GPR50: variants seen among roughly 807,000 people sequenced by gnomAD.
GPR50 encodes the protein melatonin-related receptor.
In GPR50, 1 loss-of-function variant was observed where a neutral mutation model predicts 2.6. The observed-to-expected ratio is 0.38, with a 90% CI of 0.13 to 1.79. GPR50 has a LOEUF of 1.79. Ranked by LOEUF, GPR50 falls within the 40% of genes most tolerant of loss-of-function variation. The pLI, the probability that GPR50 is intolerant of heterozygous loss-of-function variation, is 0.33. For synonymous variants in GPR50, 233 were observed against 202.3 expected (o/e 1.15, Z -1.29); for missense variants, 535 against 522.1 (o/e 1.02, Z -0.24).
intron 1 of GPR50, among the ~76,000 whole-genome samples, chrX:151,178,639 G>T (rs1056530219): frequency 2.7e-5 from 3 of 112,001 alleles, no homozygotes; most frequent in Non-Finnish European, 5.6e-5. Flanking sequence ...GCCGAGTGCT[G>T]ACAGCGCTGG....
chrX:151,181,152 T>C lies in GPR50; in HGVS notation c.1569T>C (p.Pro523=). The C allele has an allele frequency of 8.3e-7, 1 of 1,209,767 alleles. No homozygotes were observed. Among genetic ancestry groups the C allele is most frequent in the Non-Finnish European group, 1.1e-6 (1 of 894,363 alleles). The change falls in exon 2 of 2, where the codon CCT becomes CCC. Residue 523 remains proline, a synonymous_variant. Transcript: ENST00000218316. ...CCACCACTGCTGACTATCCCAAGCCTGCCACTACCAGCCACCCTAAGCCCA... is the reference window on the plus strand; with the variant it reads ...CCACCACTGCTGACTATCCCAAGCCCGCCACTACCAGCCACCCTAAGCCCA... ...AEPTTADYPK[P]ATTSHPKPTA... is the part of the protein sequence containing the mutation.
intron 1 of GPR50, among the ~76,000 whole-genome samples, chrX:151,178,503 A>G (rs1193991054): frequency 9.0e-6 from 1 of 111,547 alleles, no homozygotes; most frequent in East Asian, 2.8e-4. Flanking sequence ...ATTCAAATAA[A>G]GGCTTTTATG....
At position 151,181,345 on chromosome X, in the gene GPR50, C is replaced by T. The variant is rs765410234; in HGVS notation, c.1762C>T (p.Pro588Ser). The change falls in exon 2 of 2, where the codon CCT (proline) becomes TCT (serine). Residue 588 changes from proline to serine, a missense_variant. Coordinates refer to ENST00000218316, the MANE Select transcript of GPR50 (RefSeq NM_004224.3). ...GGAGTCTGACACCATCGCTGACCTT[C>T]CTGACCCTACTGTAGTCACTACCAG... ...QLESDTIADL[P>S]DPTVVTTSTN... 5.8e-6 allele frequency: 7 copies of T among 1,202,625 alleles called. No homozygotes were observed. The highest frequency in any genetic ancestry group is 7.9e-6 in the Non-Finnish European group (7 of 887,715).
Position 151,181,405 on chromosome X carries a change from G to A in GPR50, c.1822G>A (p.Val608Ile). Residue 608 changes from valine to isoleucine, a missense_variant, in exon 2 of 2, where the codon GTT (valine) becomes ATT (isoleucine). Physicochemically the swap from Val to Ile is conservative, Grantham distance 29. Transcript: ENST00000218316. ...NDYHDVVVID[V>I]EDDPDEMAV ...TTACCATGATGTCGTGGTTATTGAT[G>A]TTGAAGATGATCCTGATGAAATGGC... 5.0e-6 allele frequency: 6 copies of A among 1,190,137 alleles called. No homozygotes were observed. Among genetic ancestry groups the A allele is most frequent in the South Asian group, 1.8e-5 (1 of 55,080 alleles).
downstream of GPR50, among the ~76,000 whole-genome samples, chrX:151,181,795 C>T (rs1395647543): frequency 1.8e-5 from 2 of 112,162 alleles, no homozygotes; most frequent in Non-Finnish European, 3.8e-5. Flanking sequence ...CTCATTTCCT[C>T]TGCCTTGTTC....
In GPR50 at chrX:151,180,375, G is replaced by T; in HGVS notation, c.792G>T (p.Pro264=). ...NVLTVLVAVS[P]KEMAGKIPNW... ...TCACTGTCTTGGTGGCTGTCAGTCC[G>T]AAGGAGATGGCAGGCAAGATCCCCA... The change falls in exon 2 of 2, where the codon CCG becomes CCT. Residue 264 remains proline, a synonymous_variant. Transcript: ENST00000218316. 2.5e-6 allele frequency: 3 copies of T among 1,210,885 alleles called. No homozygotes were observed. The highest frequency in any genetic ancestry group is 3.4e-6 in the Non-Finnish European group (3 of 894,979).
In GPR50 at chrX:151,180,252, G is replaced by A. The variant is rs1412650534; in HGVS notation, c.669G>A (p.Gly223=). The A allele has an allele frequency of 8.3e-7, 1 of 1,204,714 alleles. No individual in the cohort carries two copies. Among genetic ancestry groups the A allele is most frequent in the Non-Finnish European group, 1.1e-6 (1 of 894,517 alleles). The change falls in exon 2 of 2, where the codon GGG becomes GGA. Residue 223 remains glycine (G), a synonymous_variant. Transcript: ENST00000218316. ...TGCTGGCGGCCCGTGACCCTGCAGGGCAGAATCCTGACAACCAACTTGCTG... is the reference window on the plus strand; with the variant it reads ...TGCTGGCGGCCCGTGACCCTGCAGGACAGAATCCTGACAACCAACTTGCTG... ...TKVLAARDPA[G]QNPDNQLAEV...
In GPR50 at chrX:151,181,089, C is replaced by T; in HGVS notation, c.1506C>T (p.Thr502=). ...FSAATSHPKP[T]TGHIKPATSH... Reference sequence around the variant, plus strand: ...CTGCCACCAGCCACCCTAAACCCACCACTGGCCACATCAAGCCAGCTACCA... The same window carrying T: ...CTGCCACCAGCCACCCTAAACCCACTACTGGCCACATCAAGCCAGCTACCA... The change falls in exon 2 of 2, where the codon ACC becomes ACT. Residue 502 remains threonine, a synonymous_variant. Coordinates refer to ENST00000218316, the MANE Select transcript of GPR50 (RefSeq NM_004224.3). 11 of 500,662 alleles carry T rather than the reference C, an allele frequency of 2.2e-5. No individual in the cohort carries two copies. The highest frequency in any genetic ancestry group is 3.0e-5 in the Non-Finnish European group (11 of 364,601). 41.3% of individuals were successfully genotyped at this position (500,662 alleles called of 1,213,427 possible).
chrX:151,179,874 C>T lies in GPR50; in HGVS notation c.291C>T (p.Ser97=), dbSNP rs1264444268. The change falls in exon 2 of 2, where the codon AGC becomes AGT. Residue 97 remains serine (S), a synonymous_variant. Coordinates refer to ENST00000218316, the MANE Select transcript of GPR50 (RefSeq NM_004224.3). ...HAMSIGGWDL[S]QLQCQMVGFI... is the part of the protein sequence containing the mutation. ...TGTCCATTGGGGGCTGGGATCTGAG[C>T]CAGTTACAGTGCCAGATGGTCGGGT... The T allele has an allele frequency of 8.3e-7, 1 of 1,210,162 alleles. No homozygotes were observed. Among genetic ancestry groups the T allele is most frequent in the South Asian group, 1.8e-5 (1 of 56,853 alleles).
chrX:151,181,272 G>A lies in GPR50; in HGVS notation c.1689G>A (p.Ser563=), dbSNP rs187995722. The A allele has an allele frequency of 6.1e-3, 7,343 of 1,208,867 alleles. 21 individuals are homozygous for A. Among genetic ancestry groups the A allele is most frequent in the Non-Finnish European group, 7.2e-3 (6,457 of 894,730 alleles). ...CTGACGACAGTGACCTCCCTGAGTC[G>A]GCCTCTAGCCCTGCCGCTGGGCCCA... ...PVSDDSDLPE[S]ASSPAAGPTK... is the part of the protein sequence containing the mutation. Residue 563 remains serine (S), a synonymous_variant, in exon 2 of 2, where the codon TCG becomes TCA. Coordinates refer to ENST00000218316, the MANE Select transcript of GPR50 (RefSeq NM_004224.3).
In GPR50 at chrX:151,181,008, GC is replaced by G; in HGVS notation, c.1428del (p.Ile477SerfsTer116). On this transcript the variant is annotated frameshift_variant, in exon 2 of 2. Coordinates refer to ENST00000218316, the MANE Select transcript of GPR50 (RefSeq NM_004224.3). LOFTEE classifies it low-confidence loss of function (END_TRUNC). ...HFKPASSNPK[P>X]ITGHHVSAGS... Reference sequence around the variant, plus strand: ...TCAAGCCTGCTTCCAGCAACCCCAAGCCCATCACTGGCCACCATGTCTCTGC... The same window carrying G: ...TCAAGCCTGCTTCCAGCAACCCCAAGCCATCACTGGCCACCATGTCTCTGC... The G allele has an allele frequency of 8.3e-7, 1 of 1,210,853 alleles. No homozygotes were observed. The highest frequency in any genetic ancestry group is 1.1e-6 in the Non-Finnish European group (1 of 895,152).
chrX:151,180,651 T>C lies in GPR50; in HGVS notation c.1068T>C (p.Pro356=), dbSNP rs1028040355. Residue 356 remains proline, a synonymous_variant, in exon 2 of 2, where the codon CCT becomes CCC. Coordinates refer to ENST00000218316, the MANE Select transcript of GPR50 (RefSeq NM_004224.3). The stretch of plus-strand genomic sequence containing the variant: ...AACAAGACCGTGCCCATGCCTGTCC[T>C]GCTGTGGAGGAAACCCCGATGAATG... ...AREQDRAHAC[P]AVEETPMNVR... 4.1e-6 allele frequency: 5 copies of C among 1,211,689 alleles called. No homozygotes were observed. The highest frequency in any genetic ancestry group is 1.8e-5 in the South Asian group (1 of 56,983).
At chrX:151,182,476 G>C (rs747935324), downstream of GPR50, 3 of 112,051 alleles carry the variant, frequency 2.7e-5, no homozygotes, top group East Asian at 8.4e-4. Flanking sequence ...GAAGCGAATT[G>C]AATACTGCTG....
rs764372963 is a variant in GPR50, at chrX:151,180,810, C to G, written c.1227C>G (p.Ser409Arg). The G allele has an allele frequency of 2.5e-6, 3 of 1,208,658 alleles. No individual in the cohort carries two copies. In the East Asian group the frequency reaches 8.9e-5, roughly 36 times the overall value. Residue 409 changes from serine to arginine, a missense_variant, in exon 2 of 2, where the codon AGC (serine) becomes AGG (arginine). Ser to Arg is a moderately radical substitution (Grantham distance 110, BLOSUM62 -1). Coordinates refer to ENST00000218316, the MANE Select transcript of GPR50 (RefSeq NM_004224.3). ...SASTHHKSVF[S>R]HSKAASGHLK... ...CTACCCACCACAAGTCTGTCTTTAG[C>G]CACTCCAAGGCTGCCTCTGGTCACC...
At chrX:151,179,466 T>G (rs1420647887) in intron 1 of GPR50, among the ~76,000 whole-genome samples, 1 of 109,309 alleles carries the variant, frequency 9.1e-6, no homozygotes, top group Non-Finnish European at 1.9e-5. Flanking sequence ...TCACCTCTAC[T>G]CCCCTCCTCC....
chrX:151,182,244 T>C (rs954042947), downstream of GPR50: 1 of 111,924 alleles, frequency 8.9e-6, no homozygotes, highest in Non-Finnish European at 1.9e-5. Flanking sequence ...GCCGGGATTT[T>C]TTTTCATTTA....
chrX:151,178,644 C>G (rs2048694339), intron 1 of GPR50, among the ~76,000 whole-genome samples: 1 of 111,945 alleles, frequency 8.9e-6, no homozygotes, highest in African/African-American at 3.3e-5. Context: ...GTGCTGACAG[C>G]GCTGGAGGAA....
rs773450160 is a variant in GPR50, at chrX:151,181,237, C to T, written c.1654C>T (p.His552Tyr). The T allele has an allele frequency of 1.6e-5, 19 of 1,208,639 alleles. 1 individual carries two copies. Among genetic ancestry groups the T allele is most frequent in the Admixed American group, 6.6e-5 (3 of 45,791 alleles). ...TTGCCCCGAGATCCCTGCCATTGCC[C>T]ACCCTGTGTCTGACGACAGTGACCT... ...SHCPEIPAIA[H>Y]PVSDDSDLPE... The change falls in exon 2 of 2, where the codon CAC becomes TAC. Residue 552 changes from histidine to tyrosine, a missense_variant. Coordinates refer to ENST00000218316, the MANE Select transcript of GPR50 (RefSeq NM_004224.3).
At chrX:151,182,633 G>A (rs1326794706), downstream of GPR50, 1 of 111,981 alleles carries the variant, frequency 8.9e-6, no homozygotes, top group African/African-American at 3.3e-5. Flanking sequence ...ATGTTAAGTC[G>A]TAGATGTCTT....
Sources: allele counts gnomAD v4.1 joint callset (sites outside exome capture counted in the v4.1 genomes callset), GRCh38; gene constraint gnomAD v4.1.1; transcripts MANE v1.5; gene names NCBI Gene and HGNC (gene_info 2026-07-23, HGNC 2026-07-21).